The following TYMS variants were observed in gnomAD, a reference collection of about 807,000 sequenced individuals.
TYMS encodes the protein thymidylate synthase.
In TYMS, 21 loss-of-function variants were observed where a neutral mutation model predicts 39.3. The observed-to-expected ratio is 0.54, with a 90% CI of 0.38 to 0.77. The LOEUF (loss-of-function observed/expected upper bound fraction) is 0.77. Among genes scored for constraint, TYMS ranks in the 30% least tolerant of loss-of-function variants. The pLI, the probability that TYMS is intolerant of heterozygous loss-of-function variation, is 0.00. For synonymous variants in TYMS, 171 were observed against 162.2 expected, an observed-to-expected ratio of 1.05 and a Z score of -0.41; for missense variants, 273 against 406.7, an observed-to-expected ratio of 0.67 and a Z score of 2.83.
At position 672,907 on chromosome 18, in the gene TYMS, A is replaced by G. The variant is rs529995048; in HGVS notation, c.852A>G (p.Lys284=). The G allele has an allele frequency of 1.3e-6, 2 of 1,598,928 alleles. No homozygotes were observed. The highest frequency in any genetic ancestry group is 3.3e-5 in the Admixed American group (2 of 59,888). The change falls in exon 7 of 7, where the codon AAA becomes AAG. Residue 284 remains lysine (K), a synonymous_variant. Coordinates refer to ENST00000323274, the MANE Select transcript of TYMS (RefSeq NM_001071.4). ...TCCCAAAGCTCAGGATTCTTCGAAA[A>G]GTTGAGAAAATTGATGACTTCAAAG... The part of the protein sequence containing the change: ...RPFPKLRILR[K]VEKIDDFKAE...
chr18:673,092 A>G lies in TYMS; in HGVS notation c.*95A>G. 7.4e-7 allele frequency: 1 copy of G among 1,345,104 alleles called. No individual in the cohort carries two copies. Among genetic ancestry groups the G allele is most frequent in the East Asian group, 2.3e-5 (1 of 42,868 alleles). The allele number at this position is 1,345,104 out of a possible 1,614,324, so 83.3% of individuals were successfully genotyped here. On this transcript the variant is annotated 3_prime_UTR_variant, in exon 7 of 7. Transcript: ENST00000323274. ...TCTTTTTGCTCTAAAAGAAAAAGGA[A>G]CTAGGTCAAAAATCTGTCCGTGACC...
intron 2 of TYMS, 113 bp from the exon 3 acceptor site, chr18:662,033 T>G (rs1409222884): frequency 8.5e-7 from 1 of 1,183,058 alleles, no homozygotes; most frequent in Non-Finnish European, 1.2e-6. Flanking sequence ...AGTGCCCACC[T>G]CCTAGCAAGT....
intron 2 of TYMS, among the ~76,000 whole-genome samples, chr18:661,169 G>T (rs527889496): frequency 6.4e-4 from 97 of 152,276 alleles, no homozygotes; most frequent in African/African-American, 2.1e-3. Flanking sequence ...TCTTTGATTT[G>T]TTGGAAATTT....
intron 6 of TYMS, 94 bp downstream of exon 6, chr18:671,545 TA>T (rs1465432221): frequency 2.4e-6 from 2 of 838,382 alleles, no homozygotes; most frequent in Non-Finnish European, 2.0e-6. Flanking sequence ...GTGTCCAAGA[TA>T]AAGATGACTG....
intron 2 of TYMS, 96 bp downstream of exon 2, chr18:659,810 T>A: frequency 9.1e-7 from 1 of 1,102,698 alleles, no homozygotes; most frequent in Non-Finnish European, 1.4e-6. Context: ...GTGTGGTGGC[T>A]CACGCCTGTA....
In TYMS at chr18:665,726, G is replaced by A. The variant is rs1446646813; in HGVS notation, c.455-3346G>A. On this transcript the variant is annotated intron_variant, in intron 3 of 6. Transcript: ENST00000323274. ...TCTGGTATGTTGTGTCTCTGTTCTC[G>A]TTGGTTTCAAAGAACATCTTTATTT... is the stretch of plus-strand genomic sequence containing the variant. Among the ~76,000 whole-genome samples the A allele has an allele frequency of 2.9e-3, 275 of 96,252 alleles. 72 individuals carry two copies. In the South Asian group the frequency reaches 0.094, roughly 33 times the overall value. 63.1% of individuals were successfully genotyped at this position (96,252 alleles called of 152,430 possible). A position where few individuals can be genotyped will look rare whatever the true frequency, so the allele number is the denominator to read the frequency against.
In TYMS at chr18:673,007, A is replaced by G; in HGVS notation, c.*10A>G. On this transcript the variant is annotated 3_prime_UTR_variant, in exon 7 of 7. Transcript: ENST00000323274. ...GGAAATGGCTGTTTAGGGTGCTTTC[A>G]AAGGAGCTCGAAGGATATTGTCAGT... is the stretch of plus-strand genomic sequence containing the variant. 1 of 1,549,966 alleles carries G rather than the reference A, an allele frequency of 6.5e-7. No individual in the cohort carries two copies. The highest frequency in any genetic ancestry group is 8.8e-7 in the Non-Finnish European group (1 of 1,132,790).
In TYMS at chr18:657,706, G is replaced by GCCACTTGGCCTGCCTCCGTCCCGCCGCC. The variant is rs2074700775; in HGVS notation, c.-31_-30insGGCCTGCCTCCGTCCCGCCGCCCCACTT. 1 of 1,188,410 alleles carries GCCACTTGGCCTGCCTCCGTCCCGCCGCC rather than the reference G, an allele frequency of 8.4e-7. No individual in the cohort carries two copies. The highest frequency in any genetic ancestry group is 2.0e-5 in the African/African-American group (1 of 49,720). 73.6% of individuals were successfully genotyped at this position (1,188,410 alleles called of 1,614,324 possible). A position where few individuals can be genotyped will look rare whatever the true frequency, so the allele number is the denominator to read the frequency against. On this transcript the variant is annotated 5_prime_UTR_variant, in exon 1 of 7. Transcript: ENST00000323274. ...ACTTGGCCTGCCTCCGTCCCGCCGCGCCACTTCGCCTGCCTCCGTCCCCCG... is the reference window on the plus strand; with the variant it reads ...ACTTGGCCTGCCTCCGTCCCGCCGCGCCACTTGGCCTGCCTCCGTCCCGCCGCCCCACTTCGCCTGCCTCCGTCCCCCG...
At position 657,912 on chromosome 18, in the gene TYMS, C is replaced by T; in HGVS notation, c.170C>T (p.Ser57Leu). The T allele has an allele frequency of 6.6e-7, 1 of 1,510,340 alleles. No individual in the cohort carries two copies. Among genetic ancestry groups the T allele is most frequent in the Non-Finnish European group, 8.8e-7 (1 of 1,135,642 alleles). 93.6% of individuals were successfully genotyped at this position (1,510,340 alleles called of 1,614,324 possible). A position where few individuals can be genotyped will look rare whatever the true frequency, so the allele number is the denominator to read the frequency against. Reference sequence around the variant, plus strand: ...GACCGCACGGGCACCGGCACCCTGTCGGTATTCGGCATGCAGGCGCGCTAC... The same window carrying T: ...GACCGCACGGGCACCGGCACCCTGTTGGTATTCGGCATGCAGGCGCGCTAC... The part of the protein sequence containing the change: ...KDDRTGTGTL[S>L]VFGMQARYSL... Residue 57 changes from serine (S) to leucine (L), a missense_variant, in exon 1 of 7, where the codon TCG becomes TTG. Ser to Leu is a moderately radical substitution (Grantham distance 145). Coordinates refer to ENST00000323274, the MANE Select transcript of TYMS (RefSeq NM_001071.4).
In TYMS at chr18:657,785, C is replaced by T. The variant is rs188268314; in HGVS notation, c.43C>T (p.Pro15Ser). ...GGAGCTGCCGCGCCGGCCCTTGCCC[C>T]CCGCCGCACAGGAGCGGGACGCCGA... ...GSELPRRPLPPAAQERDAEPR... is the reference protein window; with the variant it reads ...GSELPRRPLPSAAQERDAEPR... Residue 15 changes from proline to serine, a missense_variant, in exon 1 of 7, where the codon CCC (proline) becomes TCC (serine). Pro to Ser is a moderately conservative substitution (Grantham distance 74, BLOSUM62 -1). Transcript: ENST00000323274. The T allele has an allele frequency of 5.4e-3, 7,830 of 1,452,330 alleles. 41 individuals are homozygous for T. Among genetic ancestry groups the T allele is most frequent in the Non-Finnish European group, 6.1e-3 (6,717 of 1,109,306 alleles). The allele number at this position is 1,452,330 out of a possible 1,614,324, so 90.0% of individuals were successfully genotyped here.
intron 3 of TYMS, among the ~76,000 whole-genome samples, chr18:668,712 T>TG (rs2074910162): frequency 6.6e-6 from 1 of 152,350 alleles, no homozygotes; most frequent in African/African-American, 2.4e-5. Context: ...GAATCGCTGA[T>TG]GGGTTTAGAG....
At chr18:663,532 T>G (rs1312066676) in intron 3 of TYMS, among the ~76,000 whole-genome samples, 1 of 88,900 alleles carries the variant, frequency 1.1e-5, no homozygotes, top group Non-Finnish European at 2.0e-5. Context: ...TAGATCCCAT[T>G]TGTCAATTTT....
chr18:667,083 T>A (rs867169319), intron 3 of TYMS, among the ~76,000 whole-genome samples: 5 of 52,342 alleles, frequency 9.6e-5, no homozygotes, highest in Non-Finnish European at 1.0e-4. Flanking sequence ...ATGGAGATGG[T>A]GATGGTGATG....
Position 658,347 on chromosome 18 carries a change from C to A in TYMS, c.205+400C>A. 1 of 1,321,640 alleles carries A rather than the reference C, an allele frequency of 7.6e-7. No individual in the cohort carries two copies. Among genetic ancestry groups the A allele is most frequent in the Non-Finnish European group, 9.9e-7 (1 of 1,008,432 alleles). 81.9% of individuals were successfully genotyped at this position (1,321,640 alleles called of 1,614,324 possible). The stretch of plus-strand genomic sequence containing the variant: ...TGGCTTTGGCCCCTCCTCCGTTTTC[C>A]CCTGTGGACCATTCCGCTTCGCAGC... On this transcript the variant is annotated intron_variant, in intron 1 of 6. Coordinates refer to ENST00000323274, the MANE Select transcript of TYMS (RefSeq NM_001071.4). The surrounding 1 kb of genome is among the most constrained non-coding windows in gnomAD (Gnocchi z 4.5).
intron 3 of TYMS, among the ~76,000 whole-genome samples, chr18:668,335 G>A (rs967336191): frequency 1.3e-5 from 2 of 152,088 alleles, no homozygotes; most frequent in South Asian, 4.1e-4. Context: ...GACACTAATA[G>A]GTAGAAATTT....
rs533903321 is a variant in TYMS at position 669,560 on chromosome 18, C to T, written c.556+387C>T. 109 of 177,518 alleles carry T rather than the reference C, an allele frequency of 6.1e-4. 2 individuals carry two copies. In the South Asian group the frequency reaches 0.012, roughly 20 times the overall value. The allele number at this position is 177,518 out of a possible 1,614,324, so 11.0% of individuals were successfully genotyped here. A position where few individuals can be genotyped will look rare whatever the true frequency, so the allele number is the denominator to read the frequency against. ...GCTAATTTTGTATTTTTAGTAGAGA[C>T]GGGGTTTCACCATGTTGGTCAGGCT... On this transcript the variant is annotated intron_variant, in intron 4 of 6. Transcript: ENST00000323274.
At chr18:667,364 A>ATGGT (rs2074866011) in intron 3 of TYMS, among the ~76,000 whole-genome samples, 3 of 8,422 alleles carry the variant, frequency 3.6e-4, no homozygotes, top group Admixed American at 1.3e-3. Flanking sequence ...ATGGTGATGG[A>ATGGT]GATGGTGATG....
intron 6 of TYMS, 134 bp from the exon 7 acceptor site, chr18:672,726 G>A: frequency 1.0e-6 from 1 of 971,806 alleles, no homozygotes. Flanking sequence ...CCTACGGCAA[G>A]GTATCGACAG....
At chr18:670,611 T>C in intron 4 of TYMS, 81 bp from the exon 5 acceptor site, 1 of 1,505,066 alleles carries the variant, frequency 6.6e-7, no homozygotes, top group Admixed American at 1.8e-5. Context: ...TTGGCTTCTG[T>C]TTCTCTCCTG....
Sources: allele counts gnomAD v4.1 joint callset (sites outside exome capture counted in the v4.1 genomes callset), GRCh38; gene constraint gnomAD v4.1.1; non-coding constraint Gnocchi (gnomAD v3.1); transcripts MANE v1.5; gene names NCBI Gene and HGNC (gene_info 2026-07-23, HGNC 2026-07-21).